APBB2: variants seen among roughly 807,000 people sequenced by gnomAD.
The protein encoded by APBB2 is amyloid beta precursor protein binding family B member 2, also known as Fe65-like 1.
Under a neutral mutation model 82.5 loss-of-function variants are expected in APBB2, and 38 were observed. The observed-to-expected ratio is 0.46, with a 90% CI of 0.36 to 0.60. The LOEUF (loss-of-function observed/expected upper bound fraction) is 0.60, where lower values mean the gene tolerates loss of function less well. Among genes scored for constraint, APBB2 ranks in the 20% least tolerant of loss-of-function variants. The probability of loss-of-function intolerance (pLI) is 0.00; values close to 1 mark genes in which losing one functional copy is unlikely to be tolerated. For synonymous variants in APBB2, 341 were observed against 368.2 expected, an observed-to-expected ratio of 0.93 and a Z score of 0.85; for missense variants, 772 against 972.3, an observed-to-expected ratio of 0.79 and a Z score of 2.74.
chr4:41,135,386 A>G (rs544652512), intron 2 of APBB2, among the ~76,000 whole-genome samples: 1 of 152,294 alleles, frequency 6.6e-6, no homozygotes, highest in South Asian at 2.1e-4. Flanking sequence ...AAATTATTAT[A>G]TGTTTTTTCA....
chr4:41,126,159 TGCTTG>T (rs982473998), intron 2 of APBB2, among the ~76,000 whole-genome samples: 1 of 149,408 alleles, frequency 6.7e-6, no homozygotes, highest in Non-Finnish European at 1.5e-5. Context: ...ACCGGGGGAA[TGCTTG>T]AATCCAGGAG....
chr4:41,182,212 T>G (rs918369238), intron 1 of APBB2, among the ~76,000 whole-genome samples: 3 of 152,170 alleles, frequency 2.0e-5, no homozygotes, highest in African/African-American at 7.2e-5. Flanking sequence ...CTCCTCCCAT[T>G]AAGCTCACTC....
At chr4:41,147,078 C>A (rs1444897791) in intron 1 of APBB2, among the ~76,000 whole-genome samples, 2 of 152,210 alleles carry the variant, frequency 1.3e-5, no homozygotes, top group Admixed American at 1.3e-4. Context: ...CCCTTTGATG[C>A]CTCAGTTCTA....
At chr4:41,156,661 T>G (rs1180952220) in intron 1 of APBB2, among the ~76,000 whole-genome samples, 1 of 152,190 alleles carries the variant, frequency 6.6e-6, no homozygotes, top group Non-Finnish European at 1.5e-5. Context: ...TTACGGAAAG[T>G]TCATTGGCTT....
intron 12 of APBB2, among the ~76,000 whole-genome samples, chr4:40,843,545 C>T (rs1025745348): frequency 6.6e-6 from 1 of 152,200 alleles, no homozygotes; most frequent in Non-Finnish European, 1.5e-5. Flanking sequence ...GAACTGTCAA[C>T]TGTAATATGG....
At chr4:40,986,915 G>A (rs75679994) in intron 6 of APBB2, among the ~76,000 whole-genome samples, 3 of 152,294 alleles carry the variant, frequency 2.0e-5, no homozygotes, top group Non-Finnish European at 4.4e-5. Context: ...AAAGGAGTAC[G>A]ACAGGAATGG....
intron 6 of APBB2, among the ~76,000 whole-genome samples, chr4:40,956,361 G>C (rs780191745): frequency 1.3e-5 from 2 of 152,118 alleles, no homozygotes; most frequent in African/African-American, 4.8e-5. Context: ...CAAAGGAATC[G>C]GCAGAAACAC....
chr4:40,874,289 GA>G, intron 12 of APBB2, among the ~76,000 whole-genome samples: 1 of 152,166 alleles, frequency 6.6e-6, no homozygotes, highest in Non-Finnish European at 1.5e-5. Context: ...CATATCCTTT[GA>G]GAGACAATAT....
chr4:41,184,524 C>A (rs1197496466), intron 1 of APBB2, among the ~76,000 whole-genome samples: 1 of 152,168 alleles, frequency 6.6e-6, no homozygotes, highest in Non-Finnish European at 1.5e-5. Context: ...TTCCTTTAGA[C>A]CTCTGTTTAA....
chr4:40,975,243 C>T (rs116300436), intron 6 of APBB2, among the ~76,000 whole-genome samples: 4,228 of 152,208 alleles, frequency 0.028, 194 homozygotes, highest in African/African-American at 0.095. Flanking sequence ...TACATAAATC[C>T]GAGTAAACAG....
chr4:40,880,788 C>T (rs1295366755), intron 12 of APBB2: 1 of 985,318 alleles, frequency 1.0e-6, no homozygotes, highest in East Asian at 1.1e-4. Context: ...TCTCTCTTGA[C>T]ACAACAGCCT....
At chr4:41,190,573 T>C (rs1414212538) in intron 1 of APBB2, among the ~76,000 whole-genome samples, 1 of 152,162 alleles carries the variant, frequency 6.6e-6, no homozygotes, top group Non-Finnish European at 1.5e-5. Flanking sequence ...CTTAAAGTTC[T>C]GTGATTATCT....
At chr4:40,828,486 C>A (rs1408475230) in intron 13 of APBB2, among the ~76,000 whole-genome samples, 1 of 152,178 alleles carries the variant, frequency 6.6e-6, no homozygotes, top group African/African-American at 2.4e-5. Context: ...GGGCTGCCGA[C>A]AAGAATAAAA....
At position 40,813,470 on chromosome 4, in the gene APBB2, C is replaced by A. The variant is rs1744841188; in HGVS notation, c.*2622G>T. 1 of 152,146 alleles carries A rather than the reference C, an allele frequency of 6.6e-6. No homozygotes were observed. Among genetic ancestry groups the A allele is most frequent in the Non-Finnish European group, 1.5e-5 (1 of 68,002 alleles). 9.4% of individuals were successfully genotyped at this position (152,146 alleles called of 1,614,324 possible). On this transcript the variant is annotated 3_prime_UTR_variant, in exon 18 of 18. Coordinates refer to ENST00000508593, the MANE Select transcript of APBB2 (RefSeq NM_004307.2). ...TAAAACATTGGCATCCTTTTACAAACAAATACACACATACTTTCATACATA... is the reference window on the plus strand; with the variant it reads ...TAAAACATTGGCATCCTTTTACAAAAAAATACACACATACTTTCATACATA...
chr4:40,925,476 G>A (rs1173611786), intron 10 of APBB2, among the ~76,000 whole-genome samples: 1 of 152,128 alleles, frequency 6.6e-6, no homozygotes, highest in Non-Finnish European at 1.5e-5. Context: ...CGGGCAGTCT[G>A]GGTCCAGAGT....
intron 2 of APBB2, among the ~76,000 whole-genome samples, chr4:41,118,756 A>G (rs576698058): frequency 2.0e-5 from 3 of 152,338 alleles, no homozygotes; most frequent in Admixed American, 1.3e-4. Context: ...CCATATTAAG[A>G]TACAAAAAAA....
chr4:41,004,069 A>T (rs1805975101), intron 6 of APBB2, among the ~76,000 whole-genome samples: 1 of 149,714 alleles, frequency 6.7e-6, no homozygotes, highest in Non-Finnish European at 1.5e-5. Flanking sequence ...ATTGTTTATT[A>T]CTAATTTTTT....
intron 1 of APBB2, among the ~76,000 whole-genome samples, chr4:41,147,636 G>A (rs955587342): frequency 8.6e-5 from 13 of 151,852 alleles, no homozygotes; most frequent in African/African-American, 2.4e-4. Flanking sequence ...GATTACAGGC[G>A]CGCACCACCA....
At position 40,832,814 on chromosome 4, in the gene APBB2, T is replaced by C. The variant is rs567306312; in HGVS notation, c.1530-2237A>G. On this transcript the variant is annotated intron_variant, in intron 12 of 17. Transcript: ENST00000508593. The surrounding 1 kb of genome is among the most constrained non-coding windows in gnomAD (Gnocchi z 4.8). Reference sequence around the variant, plus strand: ...CGACTGTGCCTAACTCATCCCAGCGTCTAGTTCAGGCCTGGCGTATCACCG... The same window carrying C: ...CGACTGTGCCTAACTCATCCCAGCGCCTAGTTCAGGCCTGGCGTATCACCG... Among the ~76,000 whole-genome samples the C allele has an allele frequency of 1.1e-3, 167 of 152,288 alleles. 1 individual carries two copies. The highest frequency in any genetic ancestry group is 4.0e-3 in the African/African-American group (165 of 41,556).
Sources: gnomAD v4.1 joint callset for allele counts (sites outside exome capture counted in the v4.1 genomes callset) on GRCh38, gnomAD v4.1.1 for gene constraint, Gnocchi (gnomAD v3.1) non-coding constraint, MANE v1.5 for transcripts, NCBI Gene and HGNC (gene_info 2026-07-23, HGNC 2026-07-21) for gene names.